CYP2C19: variants seen among roughly 807,000 people sequenced by gnomAD.
CYP2C19 encodes cytochrome P450 2C19.
In CYP2C19, 59 loss-of-function variants were observed where a neutral mutation model predicts 40.9. The ratio of observed to expected loss-of-function variants is 1.44; its 90% confidence interval spans 1.17 to 1.79. The LOEUF (loss-of-function observed/expected upper bound fraction) is 1.79, where lower values mean the gene tolerates loss of function less well. Ranked by LOEUF, CYP2C19 falls within the 40% of genes most tolerant of loss-of-function variation. The probability of loss-of-function intolerance (pLI) is 0.00; values close to 1 mark genes in which losing one functional copy is unlikely to be tolerated. For synonymous variants in CYP2C19, 253 were observed against 208.7 expected (o/e 1.21, Z -1.83); for missense variants, 754 against 596.9 (o/e 1.26, Z -2.74).
intron 5 of CYP2C19, among the ~76,000 whole-genome samples, chr10:94,786,208 G>A (rs985218227): frequency 2.0e-5 from 3 of 152,096 alleles, no homozygotes; most frequent in Non-Finnish European, 4.4e-5. Flanking sequence ...CCCAGGTAAT[G>A]TAGCTGCTTC....
chr10:94,773,219 C>A (rs1273471886), intron 1 of CYP2C19, among the ~76,000 whole-genome samples: 2 of 152,148 alleles, frequency 1.3e-5, no homozygotes, highest in Non-Finnish European at 2.9e-5. Flanking sequence ...TCATTGTCAC[C>A]AAAATGTGTC....
chr10:94,842,902 G>T lies in CYP2C19; in HGVS notation c.1027G>T (p.Gly343Cys). ...RNRSPCMQDR[G>C]HMPYTDAVVH... ...CCGGAGCCCCTGCATGCAGGACAGG[G>T]GCCACATGCCCTACACAGATGCTGT... Residue 343 changes from glycine (G) to cysteine (C), a missense_variant, in exon 7 of 9, where the codon GGC becomes TGC. Physicochemically the swap from Gly to Cys is radical, Grantham distance 159. Coordinates refer to ENST00000371321, the MANE Select transcript of CYP2C19 (RefSeq NM_000769.4). 2 of 1,614,114 alleles carry T rather than the reference G, an allele frequency of 1.2e-6. No individual in the cohort carries two copies. Among genetic ancestry groups the T allele is most frequent in the Non-Finnish European group, 1.7e-6 (2 of 1,179,996 alleles).
At chr10:94,831,411 G>C (rs1449441943) in intron 6 of CYP2C19, among the ~76,000 whole-genome samples, 1 of 152,066 alleles carries the variant, frequency 6.6e-6, no homozygotes, top group South Asian at 2.1e-4. Context: ...AGGGTTGTTG[G>C]TAGTTTTATT....
intron 6 of CYP2C19, among the ~76,000 whole-genome samples, chr10:94,821,598 G>A (rs181056092): frequency 1.3e-3 from 197 of 152,170 alleles, no homozygotes; most frequent in African/African-American, 4.6e-3. Flanking sequence ...TATTTTTGGG[G>A]GGGCCAATAA....
At chr10:94,790,357 C>T (rs558364175) in intron 5 of CYP2C19, among the ~76,000 whole-genome samples, 2 of 152,100 alleles carry the variant, frequency 1.3e-5, no homozygotes, top group Non-Finnish European at 2.9e-5. Flanking sequence ...TGCCTGATTG[C>T]CCTGGGCAGA....
chr10:94,772,769 G>A (rs1181270167), intron 1 of CYP2C19, among the ~76,000 whole-genome samples: 2 of 152,244 alleles, frequency 1.3e-5, no homozygotes, highest in South Asian at 4.1e-4. Context: ...TAGTCTGGTG[G>A]CCACATTGGT....
intron 5 of CYP2C19, among the ~76,000 whole-genome samples, chr10:94,809,045 C>T (rs1289142094): frequency 6.6e-6 from 1 of 152,102 alleles, no homozygotes; most frequent in Admixed American, 6.5e-5. Context: ...ATTTAAATTT[C>T]CACAAAAAAT....
rs1849676093 is a variant in CYP2C19 at position 94,852,858 on chromosome 10, G to T, written c.1417G>T (p.Val473Phe). The stretch of plus-strand genomic sequence containing the variant: ...AAAGGACCTTGACACAACTCCTGTT[G>T]TCAATGGATTTGCTTCTGTCCCGCC... ...DPKDLDTTPV[V>F]NGFASVPPFY... Residue 473 changes from valine to phenylalanine, a missense_variant, in exon 9 of 9, where the codon GTC (valine) becomes TTC (phenylalanine). By Grantham distance (50) the Val-to-Phe change is conservative. Coordinates refer to ENST00000371321, the MANE Select transcript of CYP2C19 (RefSeq NM_000769.4). The T allele has an allele frequency of 6.2e-7, 1 of 1,614,014 alleles. No homozygotes were observed. Among genetic ancestry groups the T allele is most frequent in the East Asian group, 2.2e-5 (1 of 44,872 alleles).
rs141637679 is a variant in CYP2C19 at position 94,785,428 on chromosome 10, C to T, written c.819+3431C>T. Among the ~76,000 whole-genome samples, 481 of 152,206 alleles carry T rather than the reference C, an allele frequency of 3.2e-3. 3 individuals are homozygous for T. Among genetic ancestry groups the T allele is most frequent in the African/African-American group, 0.011 (450 of 41,534 alleles). The stretch of plus-strand genomic sequence containing the variant: ...CCATTTGTTGAAGAGATTCTTTCCT[C>T]GGACTGAATGGTCTAGGCACCCTTG... On this transcript the variant is annotated intron_variant, in intron 5 of 8. Transcript: ENST00000371321.
At position 94,849,214 on chromosome 10, in the gene CYP2C19, A is replaced by G. The variant is rs191710898; in HGVS notation, c.1150-703A>G. Among the ~76,000 whole-genome samples the G allele has an allele frequency of 1.3e-3, 200 of 152,314 alleles. 1 individual carries two copies. Among genetic ancestry groups the G allele is most frequent in the African/African-American group, 4.5e-3 (188 of 41,576 alleles). On this transcript the variant is annotated intron_variant, in intron 7 of 8. Transcript: ENST00000371321. ...AACTGAAGTGATGAAATAGAGCAGC[A>G]GGAGTGGACAGGCACTAAAGCCCAA...
intron 5 of CYP2C19, among the ~76,000 whole-genome samples, chr10:94,800,890 G>A (rs1390874590): frequency 6.6e-6 from 1 of 152,164 alleles, no homozygotes; most frequent in South Asian, 2.1e-4. Flanking sequence ...CAGTATTTGA[G>A]TGAGAGTGTC....
intron 5 of CYP2C19, among the ~76,000 whole-genome samples, chr10:94,813,593 C>T (rs1848957997): frequency 6.6e-6 from 1 of 151,914 alleles, no homozygotes; most frequent in African/African-American, 2.4e-5. Context: ...AGGGGAAAAC[C>T]ACCTACTCAA....
intron 1 of CYP2C19, among the ~76,000 whole-genome samples, chr10:94,773,302 G>A (rs1848361360): frequency 6.6e-6 from 1 of 152,190 alleles, no homozygotes; most frequent in Non-Finnish European, 1.5e-5. Flanking sequence ...CACATGGTGA[G>A]TGTTACAGTT....
intron 5 of CYP2C19, among the ~76,000 whole-genome samples, chr10:94,806,349 T>C (rs1023743080): frequency 2.0e-5 from 3 of 152,140 alleles, no homozygotes; most frequent in Non-Finnish European, 4.4e-5. Context: ...TTGTGAGTAA[T>C]GTTATTATGC....
In CYP2C19 at chr10:94,848,704, T is replaced by G. The variant is rs529011897; in HGVS notation, c.1150-1213T>G. ...TTTCACAATATTGATTCTTCCTACC[T>G]ATGAGCATGGAATGTTCTTCCATTT... On this transcript the variant is annotated intron_variant, in intron 7 of 8. Coordinates refer to ENST00000371321, the MANE Select transcript of CYP2C19 (RefSeq NM_000769.4). 3.7e-4 allele frequency among the ~76,000 whole-genome samples: 57 copies of G among 152,238 alleles called. 1 individual carries two copies. The South Asian group carries it at 0.012, about 31-fold the overall frequency.
chr10:94,793,362 C>A (rs575130598), intron 5 of CYP2C19, among the ~76,000 whole-genome samples: 4 of 152,162 alleles, frequency 2.6e-5, no homozygotes, highest in Non-Finnish European at 5.9e-5. Context: ...TCTCTCAACT[C>A]GTGAAAGTCA....
intron 5 of CYP2C19, among the ~76,000 whole-genome samples, chr10:94,788,146 TG>T (rs1848566285): frequency 6.6e-6 from 1 of 151,688 alleles, no homozygotes; most frequent in African/African-American, 2.4e-5. Context: ...CTATTTTAAA[TG>T]GGATGGCATT....
intron 5 of CYP2C19, among the ~76,000 whole-genome samples, chr10:94,817,353 G>GT (rs1320112425): frequency 1.3e-5 from 2 of 149,756 alleles, no homozygotes; most frequent in African/African-American, 4.9e-5. Flanking sequence ...TTTTTCATGT[G>GT]TTTTTTGGCT....
intron 5 of CYP2C19, among the ~76,000 whole-genome samples, chr10:94,799,496 C>T (rs554098718): frequency 6.6e-6 from 1 of 152,200 alleles, no homozygotes; most frequent in Admixed American, 6.5e-5. Context: ...TTGCTCTTCT[C>T]GAGGAGTATC....
Sources: gnomAD v4.1 joint callset for allele counts (sites outside exome capture counted in the v4.1 genomes callset) on GRCh38, gnomAD v4.1.1 for gene constraint, MANE v1.5 for transcripts, NCBI Gene and HGNC (gene_info 2026-07-23, HGNC 2026-07-21) for gene names.